The following IQCM variants were observed in gnomAD, a reference collection of about 807,000 sequenced individuals.
The protein encoded by IQCM is IQ motif containing M.
In IQCM, 45 loss-of-function variants were observed where a neutral mutation model predicts 57.6. The ratio of observed to expected loss-of-function variants is 0.78; its 90% CI spans 0.62 to 1.00. IQCM has a LOEUF of 1.00. Ranked by LOEUF, IQCM falls within the 50% of genes least tolerant of loss-of-function variation. IQCM has a pLI of 0.00. For synonymous variants in IQCM, 148 were observed against 158.9 expected, an observed-to-expected ratio of 0.93 and a Z score of 0.51; for missense variants, 468 against 511.6, an observed-to-expected ratio of 0.91 and a Z score of 0.82.
At chr4:149,587,865 A>G (rs1350531307) in intron 9 of IQCM, 65 bp downstream of exon 9, 2 of 719,324 alleles carry the variant, frequency 2.8e-6, no homozygotes, top group African/African-American at 3.7e-5. Flanking sequence ...AAAGTCAGCA[A>G]TTACATTGAT....
chr4:149,815,524 G>A (rs1225884614), intron 1 of IQCM, 76 bp downstream of exon 1: 3 of 151,850 alleles, frequency 2.0e-5, no homozygotes, highest in African/African-American at 7.3e-5. Flanking sequence ...GTGCCTTGCA[G>A]AAAGTGTGTA....
At position 149,512,866 on chromosome 4, in the gene IQCM, G is replaced by A. The variant is rs1744568453; in HGVS notation, c.1228+35589C>T. ...CCTCTACCTACAGTATGATTGCTTG[G>A]ATTTCTATGTGAATATAACAAAGAG... On this transcript the variant is annotated intron_variant, in intron 12 of 13. Transcript: ENST00000636793. Among the ~76,000 whole-genome samples, 4 of 152,106 alleles carry A rather than the reference G, an allele frequency of 2.6e-5. No individual in the cohort carries two copies. The South Asian group carries it at 8.3e-4, about 32-fold the overall frequency.
intron 8 of IQCM, among the ~76,000 whole-genome samples, chr4:149,600,971 A>G (rs1403632050): frequency 1.3e-5 from 2 of 152,152 alleles, no homozygotes; most frequent in Admixed American, 1.3e-4. Flanking sequence ...TCATTCCTCA[A>G]CTTTCACAGA....
At chr4:149,464,983 C>A (rs942649446) in intron 12 of IQCM, among the ~76,000 whole-genome samples, 1 of 152,036 alleles carries the variant, frequency 6.6e-6, no homozygotes, top group African/African-American at 2.4e-5. Context: ...TGTACATAGA[C>A]CTGCAAAGAG....
At chr4:149,585,006 G>A (rs1041673273) in intron 9 of IQCM, among the ~76,000 whole-genome samples, 1 of 151,718 alleles carries the variant, frequency 6.6e-6, no homozygotes, top group Non-Finnish European at 1.5e-5. Context: ...ATACTGCTGA[G>A]TGGGTACATA....
intron 11 of IQCM, among the ~76,000 whole-genome samples, chr4:149,549,258 G>A (rs1257395448): frequency 3.9e-5 from 6 of 152,174 alleles, no homozygotes; most frequent in African/African-American, 1.4e-4. Context: ...GCTCACGCCT[G>A]TAATCCCAGC....
intron 12 of IQCM, among the ~76,000 whole-genome samples, chr4:149,488,237 A>G (rs1316597563): frequency 6.6e-6 from 1 of 152,160 alleles, no homozygotes; most frequent in Non-Finnish European, 1.5e-5. Context: ...TATTACAAAC[A>G]AAAACATTCA....
At chr4:149,613,432 A>G (rs1458353870) in intron 8 of IQCM, among the ~76,000 whole-genome samples, 2 of 152,132 alleles carry the variant, frequency 1.3e-5, no homozygotes, top group African/African-American at 4.8e-5. Context: ...CCCCATATTC[A>G]TTTTTACCAA....
At chr4:149,384,079 T>A (rs1731256496) in intron 13 of IQCM, among the ~76,000 whole-genome samples, 1 of 152,156 alleles carries the variant, frequency 6.6e-6, no homozygotes, top group Non-Finnish European at 1.5e-5. Context: ...AAATTTGAGA[T>A]TTGAGAATAA....
chr4:149,771,903 A>G (rs896776563), intron 2 of IQCM, among the ~76,000 whole-genome samples: 1 of 152,150 alleles, frequency 6.6e-6, no homozygotes, highest in Non-Finnish European at 1.5e-5. Context: ...CTTAAAAGAA[A>G]AATAATTCTA....
intron 12 of IQCM, among the ~76,000 whole-genome samples, chr4:149,481,193 C>T (rs957797307): frequency 6.6e-6 from 1 of 151,962 alleles, no homozygotes; most frequent in African/African-American, 2.4e-5. Flanking sequence ...ATATTTTCTC[C>T]CATTCTGTGG....
At chr4:149,491,683 A>G (rs1742112554) in intron 12 of IQCM, among the ~76,000 whole-genome samples, 2 of 152,220 alleles carry the variant, frequency 1.3e-5, no homozygotes, top group East Asian at 3.9e-4. Context: ...TTGATTCTAT[A>G]TCTTGGCTGT....
At chr4:149,799,918 A>C (rs1773456209) in intron 2 of IQCM, among the ~76,000 whole-genome samples, 1 of 151,946 alleles carries the variant, frequency 6.6e-6, no homozygotes, top group African/African-American at 2.4e-5. Context: ...AATCCTACCA[A>C]ACATATAAAT....
At chr4:149,535,952 G>A (rs750098142) in intron 12 of IQCM, among the ~76,000 whole-genome samples, 6 of 151,988 alleles carry the variant, frequency 3.9e-5, no homozygotes, top group Non-Finnish European at 8.8e-5. Context: ...AATGTAAGAT[G>A]AGACCATATG....
At chr4:149,565,003 GT>G (rs1750478705) in intron 9 of IQCM, among the ~76,000 whole-genome samples, 1 of 152,144 alleles carries the variant, frequency 6.6e-6, no homozygotes, top group Admixed American at 6.6e-5. Flanking sequence ...ATGATAGCCA[GT>G]TTTTTTCAAA....
At chr4:149,401,628 C>T (rs777354000) in intron 13 of IQCM, among the ~76,000 whole-genome samples, 1 of 151,736 alleles carries the variant, frequency 6.6e-6, no homozygotes, top group Admixed American at 6.6e-5. Context: ...ATGACCAGAA[C>T]AATGCTGCAG....
At chr4:149,361,620 C>T (rs1017349781) in intron 13 of IQCM, among the ~76,000 whole-genome samples, 1 of 152,300 alleles carries the variant, frequency 6.6e-6, no homozygotes, top group East Asian at 1.9e-4. Context: ...GCAACTTCCA[C>T]ATGGTGTTGA....
chr4:149,487,003 G>T (rs1162699786), intron 12 of IQCM, among the ~76,000 whole-genome samples: 1 of 152,036 alleles, frequency 6.6e-6, no homozygotes, highest in African/African-American at 2.4e-5. Context: ...CAAACAGAAA[G>T]AGTCTTTCAC....
intron 12 of IQCM, among the ~76,000 whole-genome samples, chr4:149,452,438 T>C (rs950148073): frequency 2.6e-5 from 4 of 151,482 alleles, no homozygotes; most frequent in African/African-American, 9.7e-5. Context: ...TTAAAACTTA[T>C]TGCAGAGCTG....
Sources: gnomAD v4.1 joint callset for allele counts (sites outside exome capture counted in the v4.1 genomes callset) on GRCh38, gnomAD v4.1.1 for gene constraint, MANE v1.5 for transcripts, NCBI Gene and HGNC (gene_info 2026-07-23, HGNC 2026-07-21) for gene names.